The following CAMTA1 variants were observed in gnomAD, a reference collection of about 807,000 sequenced individuals.
CAMTA1 encodes calmodulin binding transcription activator 1.
Under a neutral mutation model 170.9 loss-of-function variants are expected in CAMTA1, and 27 were observed. That is an observed-to-expected ratio of 0.16 (90% CI 0.12 to 0.22). The LOEUF is 0.22. CAMTA1 is among the 10% of genes least tolerant of loss of function. The pLI is 1.00. For synonymous variants in CAMTA1, 833 were observed against 891.5 expected (o/e 0.93, Z 1.17); for missense variants, 1,619 against 2,217.2 (o/e 0.73, Z 5.42).
chr1:7,013,209 C>CTTTTTT lies in CAMTA1; in HGVS notation c.235-78077_235-78072dup, dbSNP rs969077771. Reference sequence around the variant, plus strand: ...TCCAGGCCCTGCCTTTGCCCTTCTTCTTTTTTTTTTTTTTTTTTTTTTTGA... The same window carrying CTTTTTT: ...TCCAGGCCCTGCCTTTGCCCTTCTTCTTTTTTTTTTTTTTTTTTTTTTTTTTTTTGA... On this transcript the variant is annotated intron_variant, in intron 3 of 22. Transcript: ENST00000303635. Among the ~76,000 whole-genome samples the CTTTTTT allele has an allele frequency of 8.2e-3, 691 of 84,138 alleles. 78 individuals carry two copies. The highest frequency in any genetic ancestry group is 0.026 in the African/African-American group (495 of 18,782). 55.2% of individuals were successfully genotyped at this position (84,138 alleles called of 152,430 possible).
intron 3 of CAMTA1, among the ~76,000 whole-genome samples, chr1:6,837,922 A>C (rs1291494082): frequency 6.6e-6 from 1 of 152,108 alleles, no homozygotes. Context: ...AGCATTTGTC[A>C]TCATCTAATA....
intron 10 of CAMTA1, among the ~76,000 whole-genome samples, chr1:7,675,938 C>T (rs990614685): frequency 2.0e-5 from 3 of 152,198 alleles, no homozygotes; most frequent in Non-Finnish European, 2.9e-5. Flanking sequence ...ACCATTCCAG[C>T]GTTGCTGCAG....
At chr1:7,536,094 G>A (rs997923466) in intron 6 of CAMTA1, among the ~76,000 whole-genome samples, 1 of 152,084 alleles carries the variant, frequency 6.6e-6, no homozygotes, top group Non-Finnish European at 1.5e-5. Context: ...GCTGACAAAG[G>A]TAGAGTGGGC....
chr1:7,108,562 G>T (rs1643831734), intron 4 of CAMTA1, among the ~76,000 whole-genome samples: 5 of 152,168 alleles, frequency 3.3e-5, no homozygotes, highest in Admixed American at 6.5e-5. Context: ...GGTGAAAAAG[G>T]TTCAGAGAGG....
At chr1:6,994,206 CAT>C (rs1360011914) in intron 3 of CAMTA1, among the ~76,000 whole-genome samples, 9 of 152,062 alleles carry the variant, frequency 5.9e-5, no homozygotes, top group Non-Finnish European at 1.2e-4. Context: ...TAAACAGCCA[CAT>C]GTGTTTTATG....
intron 5 of CAMTA1, among the ~76,000 whole-genome samples, chr1:7,323,064 C>T (rs1481823951): frequency 1.4e-5 from 2 of 147,348 alleles, no homozygotes; most frequent in Admixed American, 6.9e-5. Flanking sequence ...CAATTTTTCC[C>T]ATGTGTCTAT....
At chr1:7,097,569 C>T (rs1642225466) in intron 4 of CAMTA1, among the ~76,000 whole-genome samples, 1 of 152,214 alleles carries the variant, frequency 6.6e-6, no homozygotes, top group Non-Finnish European at 1.5e-5. Flanking sequence ...GGCATCTGCT[C>T]TTTGGGACAG....
chr1:7,108,323 T>A (rs1643807859), intron 4 of CAMTA1, among the ~76,000 whole-genome samples: 1 of 152,146 alleles, frequency 6.6e-6, no homozygotes, highest in Non-Finnish European at 1.5e-5. Flanking sequence ...CATATTGTTG[T>A]GAGGAGTACA....
chr1:7,562,291 G>A lies in CAMTA1; in HGVS notation c.511-78109G>A, dbSNP rs2094967484. Among the ~76,000 whole-genome samples, 1 of 152,336 alleles carries A rather than the reference G, an allele frequency of 6.6e-6. No individual in the cohort carries two copies. The highest frequency in any genetic ancestry group is 1.9e-4 in the East Asian group (1 of 5,176). ...AGCATATTTGATGGTGTTTTGCCTT[G>A]GTTTGAATATGTAAAGGCACTAAGC... On this transcript the variant is annotated intron_variant, in intron 6 of 22. Transcript: ENST00000303635. The surrounding 1 kb of genome is among the most constrained non-coding windows in gnomAD (Gnocchi z 4.8).
chr1:7,751,740 C>T (rs930048050), intron 20 of CAMTA1, among the ~76,000 whole-genome samples: 2 of 150,438 alleles, frequency 1.3e-5, no homozygotes, highest in African/African-American at 4.9e-5. Flanking sequence ...AAAAGTACAG[C>T]CCGCTGCCAG....
At chr1:7,743,191 T>C (rs1257157500) in intron 16 of CAMTA1, among the ~76,000 whole-genome samples, 1 of 152,112 alleles carries the variant, frequency 6.6e-6, no homozygotes, top group African/African-American at 2.4e-5. Flanking sequence ...TTTATTGTTA[T>C]TACAAAAACG....
chr1:7,467,722 G>T (rs1012953939), intron 5 of CAMTA1, 108 bp from the exon 6 acceptor site: 4 of 1,008,676 alleles, frequency 4.0e-6, no homozygotes, highest in South Asian at 1.3e-5. Context: ...TCCCTGGGCC[G>T]CTGCCAGGCG....
At chr1:7,466,212 C>T (rs868203491) in intron 5 of CAMTA1, among the ~76,000 whole-genome samples, 6 of 152,100 alleles carry the variant, frequency 3.9e-5, no homozygotes, top group Admixed American at 1.3e-4. Flanking sequence ...ACCAAAACAA[C>T]GAAAACAAAA....
intron 11 of CAMTA1, among the ~76,000 whole-genome samples, chr1:7,718,630 C>T (rs992716345): frequency 2.7e-5 from 4 of 149,400 alleles, no homozygotes; most frequent in South Asian, 2.1e-4. Flanking sequence ...CATCTCAGCT[C>T]GCTGCAACTT....
intron 6 of CAMTA1, among the ~76,000 whole-genome samples, chr1:7,493,422 C>T (rs550116436): frequency 1.1e-5 from 1 of 87,962 alleles, no homozygotes; most frequent in East Asian, 5.1e-4. Flanking sequence ...AACCTACATA[C>T]ACACATGCAC....
intron 11 of CAMTA1, among the ~76,000 whole-genome samples, chr1:7,683,062 C>T (rs576105005): frequency 6.6e-6 from 1 of 152,084 alleles, no homozygotes; most frequent in East Asian, 1.9e-4. Flanking sequence ...GTTGTCCCAG[C>T]TACTCGGGAG....
intron 22 of CAMTA1, 22 bp from the exon 23 acceptor site, chr1:7,766,436 GT>G (rs1196566985): frequency 1.2e-6 from 2 of 1,613,042 alleles, no homozygotes; most frequent in Non-Finnish European, 1.7e-6. Context: ...ATCGCCTGCT[GT>G]TTTGTTTTGT....
chr1:7,464,897 A>T (rs2093174283), intron 5 of CAMTA1, among the ~76,000 whole-genome samples: 1 of 151,984 alleles, frequency 6.6e-6, no homozygotes, highest in South Asian at 2.1e-4. Flanking sequence ...CTCCCACCCC[A>T]GGCAGGCTCC....
chr1:7,640,258 C>A, intron 6 of CAMTA1, 142 bp from the exon 7 acceptor site: 1 of 853,078 alleles, frequency 1.2e-6, no homozygotes, highest in Non-Finnish European at 1.8e-6. Context: ...AACCATCTGG[C>A]TGCAACCGTC....
Sources: allele counts gnomAD v4.1 joint callset (sites outside exome capture counted in the v4.1 genomes callset), GRCh38; gene constraint gnomAD v4.1.1; non-coding constraint Gnocchi (gnomAD v3.1); transcripts MANE v1.5; gene names NCBI Gene and HGNC (gene_info 2026-07-23, HGNC 2026-07-21).